The following PZP variants were observed in gnomAD, a reference collection of about 807,000 sequenced individuals.
PZP encodes the protein pregnancy zone protein.
PZP carries 150 observed loss-of-function variants against 179.8 expected under a neutral mutation model. The observed-to-expected ratio is 0.83, with a 90% CI of 0.73 to 0.96. PZP has a LOEUF of 0.96. Among genes scored for constraint, PZP ranks in the 40% least tolerant of loss-of-function variants. The pLI is 0.00. For missense variants in PZP, 1,689 were observed against 1,764.0 expected (o/e 0.96, Z 0.76); for synonymous variants, 624 against 652.3 (o/e 0.96, Z 0.66).
intron 7 of PZP, among the ~76,000 whole-genome samples, chr12:9,198,169 C>A (rs1370481103): frequency 6.6e-6 from 1 of 150,990 alleles, no homozygotes; most frequent in Non-Finnish European, 1.5e-5. Flanking sequence ...GGTAACATAG[C>A]AGGACCCAAT....
the PZP span, among the ~76,000 whole-genome samples, chr12:9,138,134 G>A: frequency 6.6e-6 from 1 of 152,006 alleles, no homozygotes; most frequent in Non-Finnish European, 1.5e-5. Flanking sequence ...TCACCGTTGA[G>A]TCTGATATTA....
At chr12:9,153,886 A>G (rs953631941) in intron 29 of PZP, among the ~76,000 whole-genome samples, 1 of 152,254 alleles carries the variant, frequency 6.6e-6, no homozygotes, top group African/African-American at 2.4e-5. Flanking sequence ...TAATACAATC[A>G]TTTATACTCT....
At chr12:9,146,953 A>T (rs370261763), downstream of PZP, among the ~76,000 whole-genome samples, 20 of 152,156 alleles carry the variant, frequency 1.3e-4, no homozygotes, top group African/African-American at 4.1e-4. Flanking sequence ...GCTGGGATTT[A>T]AAAAAATCCA....
At chr12:9,139,907 A>G in the PZP span, among the ~76,000 whole-genome samples, 1 of 152,158 alleles carries the variant, frequency 6.6e-6, no homozygotes, top group Non-Finnish European at 1.5e-5. Flanking sequence ...GTTTTAGGGT[A>G]AGAGAGCTTA....
At chr12:9,181,928 C>T in intron 14 of PZP, 47 bp downstream of exon 14, 1 of 1,585,670 alleles carries the variant, frequency 6.3e-7, no homozygotes, top group Non-Finnish European at 8.6e-7. Context: ...ATGGCACCTA[C>T]AGTATCATTT....
chr12:9,174,279 C>A (rs751614448), intron 15 of PZP, among the ~76,000 whole-genome samples: 1 of 152,058 alleles, frequency 6.6e-6, no homozygotes, highest in African/African-American at 2.4e-5. Context: ...ATTCAACATC[C>A]CTTTATGTTA....
chr12:9,196,771 A>C, intron 8 of PZP, 86 bp from the exon 9 acceptor site: 1 of 1,227,362 alleles, frequency 8.1e-7, no homozygotes, highest in Admixed American at 2.1e-5. Flanking sequence ...AATGACAAGA[A>C]AACTTTTTTT....
the PZP span, among the ~76,000 whole-genome samples, chr12:9,141,147 A>G: frequency 6.6e-6 from 1 of 152,224 alleles, no homozygotes; most frequent in Non-Finnish European, 1.5e-5. Context: ...ATATTTTAAC[A>G]TAACAATTAT....
At chr12:9,150,780 G>T in intron 33 of PZP, 34 bp from the exon 34 acceptor site, 1 of 1,368,250 alleles carries the variant, frequency 7.3e-7, no homozygotes, top group Non-Finnish European at 1.0e-6. Flanking sequence ...CAAGAACCTA[G>T]AAAACCTCCT....
In PZP at chr12:9,162,651, T is replaced by G; in HGVS notation, c.2737-3A>C. The G allele has an allele frequency of 6.3e-7, 1 of 1,587,252 alleles. No individual in the cohort carries two copies. The highest frequency in any genetic ancestry group is 2.2e-5 in the East Asian group (1 of 44,648). On this transcript the variant is annotated splice_region_variant and splice_polypyrimidine_tract_variant and intron_variant, in intron 21 of 35. Transcript: ENST00000261336. Reference sequence around the variant, plus strand: ...TTTTCTTGCTCAATACCTTCAGCCTTGGATGAAAGGAAAGAAAAGGAGAAA... The same window carrying G: ...TTTTCTTGCTCAATACCTTCAGCCTGGGATGAAAGGAAAGAAAAGGAGAAA...
chr12:9,202,448 G>T, intron 3 of PZP, 77 bp from the exon 4 acceptor site: 1 of 1,612,010 alleles, frequency 6.2e-7, no homozygotes, highest in Admixed American at 1.7e-5. Flanking sequence ...AGGCTACGGG[G>T]CTAGGATAAT....
intron 15 of PZP, among the ~76,000 whole-genome samples, chr12:9,175,757 A>C (rs1377255244): frequency 6.6e-6 from 1 of 152,242 alleles, no homozygotes; most frequent in Non-Finnish European, 1.5e-5. Context: ...CCACAATGAG[A>C]TACCATCTCA....
At chr12:9,139,645 A>T in the PZP span, among the ~76,000 whole-genome samples, 1 of 152,216 alleles carries the variant, frequency 6.6e-6, no homozygotes, top group South Asian at 2.1e-4. Context: ...ATTGTTATAT[A>T]TTCCTGTTGA....
chr12:9,160,562 G>T, intron 23 of PZP, 72 bp from the exon 24 acceptor site: 1 of 1,385,472 alleles, frequency 7.2e-7, no homozygotes, highest in Non-Finnish European at 9.9e-7. Flanking sequence ...AACAAAAATG[G>T]CCTTTATATT....
chr12:9,147,570 A>G (rs1940074703), downstream of PZP, among the ~76,000 whole-genome samples: 1 of 152,092 alleles, frequency 6.6e-6, no homozygotes, highest in Non-Finnish European at 1.5e-5. Context: ...ATTTCTCACA[A>G]AGGGAATTTG....
rs1423123975 is a variant in PZP at position 9,149,596 on chromosome 12, G to C, written c.4391C>G (p.Ser1464Cys). 1 of 1,612,984 alleles carries C rather than the reference G, an allele frequency of 6.2e-7. No homozygotes were observed. Among genetic ancestry groups the C allele is most frequent in the East Asian group, 2.2e-5 (1 of 44,858 alleles). Residue 1464 changes from serine to cysteine, a missense_variant, in exon 35 of 36, where the codon TCT becomes TGT. Physicochemically the swap from Ser to Cys is moderately radical, Grantham distance 112. Coordinates refer to ENST00000261336, the MANE Select transcript of PZP (RefSeq NM_002864.3). The stretch of plus-strand genomic sequence containing the variant: ...GGGGGCGATATACTCAGCAACCACA[G>C]ACTCATCTGAAAGATAACGTTGGGT... ...KVYDYYETDE[S>C]VVAEYIAPCS...
At chr12:9,193,583 G>T (rs1188117176) in intron 11 of PZP, among the ~76,000 whole-genome samples, 1 of 152,114 alleles carries the variant, frequency 6.6e-6, no homozygotes, top group Non-Finnish European at 1.5e-5. Context: ...CTGAGAAACA[G>T]AAATAATGTA....
downstream of PZP, among the ~76,000 whole-genome samples, chr12:9,146,617 C>T (rs1940022785): frequency 6.6e-6 from 1 of 151,228 alleles, no homozygotes; most frequent in Admixed American, 6.6e-5. Flanking sequence ...AGGCACCTCT[C>T]CCATTCTTCA....
Position 9,158,526 on chromosome 12 carries a change from A to C in PZP, c.3188T>G (p.Phe1063Cys). ...KTFAQARSYI[F>C]IDEAHITQSL... Reference sequence around the variant, plus strand: ...TTGGGTAATGTGTGCTTCATCAATGAAGATGTAGGATCGAGCCTGGGCGAA... The same window carrying C: ...TTGGGTAATGTGTGCTTCATCAATGCAGATGTAGGATCGAGCCTGGGCGAA... Residue 1063 changes from phenylalanine (F) to cysteine (C), a missense_variant, in exon 26 of 36, where the codon TTC becomes TGC. Physicochemically the swap from Phe to Cys is radical, Grantham distance 205. This residue lies in a region of PZP where 746 missense variants were observed against 749.2 expected (regional missense o/e 1.00). Transcript: ENST00000261336. The C allele has an allele frequency of 2.5e-6, 4 of 1,614,156 alleles. No individual in the cohort carries two copies. The highest frequency in any genetic ancestry group is 3.4e-6 in the Non-Finnish European group (4 of 1,180,012).
Sources: gnomAD v4.1 joint callset for allele counts (sites outside exome capture counted in the v4.1 genomes callset) on GRCh38, gnomAD v4.1.1 for gene constraint, gnomAD v4.1.1 regional missense constraint, MANE v1.5 for transcripts, NCBI Gene and HGNC (gene_info 2026-07-23, HGNC 2026-07-21) for gene names.